The following WDR75 variants were observed in gnomAD, a reference collection of about 807,000 sequenced individuals.
WDR75 encodes WD repeat-containing protein 75.
Under a neutral mutation model 106.1 loss-of-function variants are expected in WDR75, and 52 were observed. The ratio of observed to expected loss-of-function variants is 0.49; its 90% CI spans 0.39 to 0.62. WDR75 has a LOEUF of 0.62. WDR75 is among the 20% of genes least tolerant of loss of function. The probability of loss-of-function intolerance (pLI) is 0.00; values close to 1 mark genes in which losing one functional copy is unlikely to be tolerated. For synonymous variants in WDR75, 333 were observed against 335.5 expected, an observed-to-expected ratio of 0.99 and a Z score of 0.08; for missense variants, 905 against 970.3, an observed-to-expected ratio of 0.93 and a Z score of 0.89.
At chr2:189,446,440 G>T (rs1312570815) in intron 1 of WDR75, among the ~76,000 whole-genome samples, 1 of 152,182 alleles carries the variant, frequency 6.6e-6, no homozygotes, top group Non-Finnish European at 1.5e-5. Context: ...CAAAGGGCAG[G>T]TTATATATCG....
chr2:189,450,482 C>A, intron 2 of WDR75: 1 of 860,950 alleles, frequency 1.2e-6, no homozygotes, highest in African/African-American at 1.9e-5. Flanking sequence ...AGGGATGTGC[C>A]ACCACGCCTG....
rs1293699097 is a variant in WDR75, at chr2:189,450,779, C to T, written c.217-124C>T. 3 of 1,480,456 alleles carry T rather than the reference C, an allele frequency of 2.0e-6. No homozygotes were observed. The African/African-American group carries it at 4.4e-5, about 22-fold the overall frequency. 91.7% of individuals were successfully genotyped at this position (1,480,456 alleles called of 1,614,324 possible). On this transcript the variant is annotated intron_variant, in intron 2 of 20. Transcript: ENST00000314761. ...GAAGCAATATAAATAAATGACTCTA[C>T]CTCTTTAAGGTTAACAGTGAATTAA...
At chr2:189,467,976 T>G (rs1321932981) in intron 14 of WDR75, among the ~76,000 whole-genome samples, 1 of 152,192 alleles carries the variant, frequency 6.6e-6, no homozygotes, top group Non-Finnish European at 1.5e-5. Context: ...AACCGTGTTA[T>G]GCGCCAACCT....
Position 189,474,342 on chromosome 2 carries a change from T to C in WDR75, c.2196+10T>C, listed in dbSNP as rs1285504850. On this transcript the variant is annotated intron_variant, in intron 19 of 20. Coordinates refer to ENST00000314761, the MANE Select transcript of WDR75 (RefSeq NM_032168.3). ...ACCCGCAATTAGTGAGGTAAGTAAT[T>C]ATGAAAACCATGTGAAACAGATTAA... The C allele has an allele frequency of 6.2e-7, 1 of 1,601,452 alleles. No individual in the cohort carries two copies. The highest frequency in any genetic ancestry group is 8.5e-7 in the Non-Finnish European group (1 of 1,176,362).
chr2:189,457,176 G>A, intron 5 of WDR75, 135 bp from the exon 6 acceptor site: 1 of 602,184 alleles, frequency 1.7e-6, no homozygotes, highest in Non-Finnish European at 3.0e-6. Context: ...GGGAGGCAGA[G>A]TTTGCAGTGA....
chr2:189,463,800 T>C (rs1686947256), intron 10 of WDR75, 46 bp from the exon 11 acceptor site: 1 of 1,613,194 alleles, frequency 6.2e-7, no homozygotes, highest in Non-Finnish European at 8.5e-7. Flanking sequence ...TTTTAAAGAG[T>C]GCATATTTCT....
chr2:189,474,841 C>T (rs749352546), intron 20 of WDR75, 33 bp downstream of exon 20: 3 of 1,531,236 alleles, frequency 2.0e-6, no homozygotes, highest in Non-Finnish European at 2.7e-6. Context: ...TTTGGACACT[C>T]TCTTTTGGGA....
intron 18 of WDR75, among the ~76,000 whole-genome samples, chr2:189,473,743 G>C (rs571609489): frequency 2.0e-5 from 3 of 151,904 alleles, no homozygotes; most frequent in Non-Finnish European, 2.9e-5. Flanking sequence ...GGATTCTGTA[G>C]TATGAATTGG....
At chr2:189,462,333 G>C (rs566775337) in intron 8 of WDR75, 151 bp from the exon 9 acceptor site, 228 of 829,552 alleles carry the variant, frequency 2.7e-4, no homozygotes, top group Admixed American at 1.7e-3. Flanking sequence ...TTTGTCTTCA[G>C]AGTATATTAA....
chr2:189,454,060 A>G (rs1558983148), intron 4 of WDR75, among the ~76,000 whole-genome samples: 1 of 152,192 alleles, frequency 6.6e-6, no homozygotes, highest in Non-Finnish European at 1.5e-5. Context: ...AACTGACTGG[A>G]TTAGTTAATA....
chr2:189,462,395 G>T (rs528043766), intron 8 of WDR75, 89 bp from the exon 9 acceptor site: 1 of 1,426,144 alleles, frequency 7.0e-7, no homozygotes, highest in Non-Finnish European at 9.6e-7. Flanking sequence ...TCTCTAGTAC[G>T]GTAGCAAAAA....
intron 3 of WDR75, among the ~76,000 whole-genome samples, chr2:189,451,224 C>T (rs1686616173): frequency 1.3e-5 from 2 of 151,982 alleles, no homozygotes; most frequent in Admixed American, 6.5e-5. Flanking sequence ...TAAGGAAAAA[C>T]TAATAGCCTG....
intron 5 of WDR75, among the ~76,000 whole-genome samples, 176 bp from the exon 6 acceptor site, chr2:189,457,135 G>T (rs539998895): frequency 1.3e-5 from 2 of 152,002 alleles, no homozygotes; most frequent in Non-Finnish European, 2.9e-5. Context: ...CAGCTACTTG[G>T]GAGGCTGAAG....
In WDR75 at chr2:189,475,479, A is replaced by G; in HGVS notation, c.*62A>G. 1 of 1,014,114 alleles carries G rather than the reference A, an allele frequency of 9.9e-7. No homozygotes were observed. Among genetic ancestry groups the G allele is most frequent in the Non-Finnish European group, 1.4e-6 (1 of 699,304 alleles). 62.8% of individuals were successfully genotyped at this position (1,014,114 alleles called of 1,614,324 possible). On this transcript the variant is annotated 3_prime_UTR_variant, in exon 21 of 21. Transcript: ENST00000314761. ...TTTGATTGTATGTTGATATTCTAAA[A>G]ACATCTATTTTAATGTTATTTCTGT...
At chr2:189,455,865 G>A (rs957253087) in intron 5 of WDR75, among the ~76,000 whole-genome samples, 10 of 152,038 alleles carry the variant, frequency 6.6e-5, no homozygotes, top group South Asian at 6.2e-4. Flanking sequence ...AACTTTTCCC[G>A]AAAAGAATTA....
intron 4 of WDR75, among the ~76,000 whole-genome samples, chr2:189,453,921 G>A (rs1000714829): frequency 4.6e-5 from 7 of 152,140 alleles, no homozygotes; most frequent in Non-Finnish European, 7.3e-5. Flanking sequence ...TTTCATTTAC[G>A]TGTTATTTTT....
chr2:189,441,500 A>T lies in WDR75; in HGVS notation c.8A>T (p.Glu3Val), dbSNP rs751960487. MV[E>V]EENIRVVRCG... ...TTCCGCTACTGCGCAAAGATGGTGG[A>T]GGAGGAGAACATCCGCGTGGTTCGT... The change falls in exon 1 of 21, where the codon GAG becomes GTG. Residue 3 changes from glutamate to valine, a missense_variant. Glu to Val is a moderately radical substitution (Grantham distance 121). Coordinates refer to ENST00000314761, the MANE Select transcript of WDR75 (RefSeq NM_032168.3). 1.3e-6 allele frequency: 2 copies of T among 1,563,064 alleles called. No homozygotes were observed. Among genetic ancestry groups the T allele is most frequent in the Non-Finnish European group, 1.7e-6 (2 of 1,152,486 alleles).
chr2:189,473,922 G>A (rs1324676396), intron 18 of WDR75, among the ~76,000 whole-genome samples: 4 of 152,066 alleles, frequency 2.6e-5, no homozygotes, highest in Non-Finnish European at 5.9e-5. Flanking sequence ...CCCTTTTGCT[G>A]TCATTTTTGT....
intron 9 of WDR75, among the ~76,000 whole-genome samples, chr2:189,463,020 G>A (rs1686930800): frequency 1.3e-5 from 2 of 152,122 alleles, no homozygotes; most frequent in Non-Finnish European, 2.9e-5. Flanking sequence ...TGATACAGCT[G>A]TTACCTGGGG....
Sources: gnomAD v4.1 joint callset for allele counts (sites outside exome capture counted in the v4.1 genomes callset) on GRCh38, gnomAD v4.1.1 for gene constraint, MANE v1.5 for transcripts, NCBI Gene and HGNC (gene_info 2026-07-23, HGNC 2026-07-21) for gene names.